Variants in TOGARAM1 observed in about 807,000 individuals in gnomAD.
TOGARAM1 encodes TOG array regulator of axonemal microtubules protein 1.
A neutral mutation model predicts 166.6 loss-of-function variants in TOGARAM1; 100 were observed. The observed-to-expected ratio is 0.60, with a 90% CI of 0.51 to 0.71. The LOEUF (loss-of-function observed/expected upper bound fraction) is 0.71. Among genes scored for constraint, TOGARAM1 ranks in the 30% least tolerant of loss-of-function variants. The pLI is 0.00. For missense variants in TOGARAM1, 2,029 were observed against 2,102.7 expected, an observed-to-expected ratio of 0.96 and a Z score of 0.69; for synonymous variants, 758 against 763.8, an observed-to-expected ratio of 0.99 and a Z score of 0.13.
At position 44,962,298 on chromosome 14, in the gene TOGARAM1, C is replaced by T. The variant is rs959956341; in HGVS notation, c.-124C>T. The T allele has an allele frequency of 7.9e-7, 1 of 1,264,768 alleles. No individual in the cohort carries two copies. Among genetic ancestry groups the T allele is most frequent in the South Asian group, 1.8e-5 (1 of 55,058 alleles). The allele number at this position is 1,264,768 out of a possible 1,614,324, so 78.3% of individuals were successfully genotyped here. A position where few individuals can be genotyped will look rare whatever the true frequency, so the allele number is the denominator to read the frequency against. ...GAGTTGGGGGCGGCCTGGCGGCAGG[C>T]TGAAGCTGTTCTTTTGCCTCTTCTG... is the stretch of plus-strand genomic sequence containing the variant. On this transcript the variant is annotated 5_prime_UTR_variant, in exon 1 of 20. Coordinates refer to ENST00000361462, the MANE Select transcript of TOGARAM1 (RefSeq NM_001308120.2).
intron 11 of TOGARAM1, among the ~76,000 whole-genome samples, chr14:45,036,057 G>A (rs1397257873): frequency 6.7e-6 from 1 of 149,888 alleles, no homozygotes; most frequent in African/African-American, 2.5e-5. Context: ...CTGAATCCAG[G>A]GGTTCGAGGC....
chr14:45,043,442 C>T (rs1270158210), intron 11 of TOGARAM1, among the ~76,000 whole-genome samples: 1 of 152,166 alleles, frequency 6.6e-6, no homozygotes, highest in East Asian at 1.9e-4. Context: ...TCCCAAAGTG[C>T]TGGTATTACA....
At chr14:45,006,537 G>T in intron 5 of TOGARAM1, 1 of 255,490 alleles carries the variant, frequency 3.9e-6, no homozygotes, top group Non-Finnish European at 7.7e-6. Context: ...TAAATTAAAA[G>T]TATGAATAAT....
rs371120226 is a variant in TOGARAM1 at position 45,032,281 on chromosome 14, T to C, written c.3717T>C (p.His1239=). 4.3e-6 allele frequency: 7 copies of C among 1,613,800 alleles called. No homozygotes were observed. Among genetic ancestry groups the C allele is most frequent in the African/African-American group, 2.7e-5 (2 of 74,920 alleles). Residue 1239 remains histidine, a synonymous_variant, in exon 11 of 20, where the codon CAT becomes CAC. Transcript: ENST00000361462. ...AAGAAAGGATGCCTTCTGTCACTCA[T>C]AGTCCAGAAATAATGGATCTGTCAG... The part of the protein sequence containing the change: ...QYKERMPSVT[H]SPEIMDLSEL...
In TOGARAM1 at chr14:45,012,083, ATGTC is replaced by A. The variant is rs780947887; in HGVS notation, c.3238+12_3238+15del. 5 of 1,479,302 alleles carry A rather than the reference ATGTC, an allele frequency of 3.4e-6. No homozygotes were observed. The highest frequency in any genetic ancestry group is 4.4e-5 in the Admixed American group (2 of 45,864). The allele number at this position is 1,479,302 out of a possible 1,614,324, so 91.6% of individuals were successfully genotyped here. A position where few individuals can be genotyped will look rare whatever the true frequency, so the allele number is the denominator to read the frequency against. On this transcript the variant is annotated intron_variant, in intron 7 of 19. Transcript: ENST00000361462. ...AACAAAGCCCCAGTGCAGGTATTCT[ATGTC>A]TGTTTATAAAAATAATTTATAAAAT...
chr14:44,993,537 C>T (rs1376008621), intron 1 of TOGARAM1, among the ~76,000 whole-genome samples: 1 of 152,168 alleles, frequency 6.6e-6, no homozygotes, highest in Non-Finnish European at 1.5e-5. Context: ...GTAACGTTAA[C>T]TCACAACTCT....
At chr14:45,014,763 A>G (rs1880016822) in intron 7 of TOGARAM1, among the ~76,000 whole-genome samples, 1 of 152,240 alleles carries the variant, frequency 6.6e-6, no homozygotes, top group Non-Finnish European at 1.5e-5. Flanking sequence ...GCCTATTAAT[A>G]GAAAACATTT....
chr14:44,990,598 T>C (rs928272704), intron 1 of TOGARAM1, among the ~76,000 whole-genome samples: 1 of 152,334 alleles, frequency 6.6e-6, no homozygotes, highest in South Asian at 2.1e-4. Context: ...GTTTGCAATA[T>C]TTTTTCCTCT....
intron 11 of TOGARAM1, among the ~76,000 whole-genome samples, chr14:45,040,410 A>C (rs903441900): frequency 6.6e-6 from 1 of 152,204 alleles, no homozygotes; most frequent in African/African-American, 2.4e-5. Context: ...AGAAGAGCAC[A>C]TGAAGCCCAA....
chr14:44,981,753 T>G (rs895285442), intron 1 of TOGARAM1, among the ~76,000 whole-genome samples: 1 of 152,172 alleles, frequency 6.6e-6, no homozygotes, highest in Non-Finnish European at 1.5e-5. Flanking sequence ...TAATAATTTG[T>G]TTCCTATGCT....
intron 11 of TOGARAM1, 109 bp downstream of exon 11, chr14:45,032,485 ATTAT>A (rs1415362678): frequency 9.6e-6 from 11 of 1,148,216 alleles, no homozygotes; most frequent in African/African-American, 1.6e-5. Context: ...CTTAGAAATG[ATTAT>A]TTAGTTCTTA....
At chr14:45,058,132 G>C (rs1371895306) in intron 16 of TOGARAM1, among the ~76,000 whole-genome samples, 1 of 151,918 alleles carries the variant, frequency 6.6e-6, no homozygotes, top group Non-Finnish European at 1.5e-5. Context: ...TCCAGTGTTG[G>C]GTGCATATAT....
intron 18 of TOGARAM1, among the ~76,000 whole-genome samples, chr14:45,070,945 C>T (rs918786724): frequency 6.6e-5 from 10 of 151,772 alleles, no homozygotes; most frequent in African/African-American, 1.7e-4. Context: ...TGTTTTGAGA[C>T]GGAGTCTCAC....
intron 18 of TOGARAM1, among the ~76,000 whole-genome samples, chr14:45,070,026 C>CAAA (rs1441326934): frequency 3.3e-5 from 5 of 150,716 alleles, no homozygotes; most frequent in Non-Finnish European, 3.0e-5. Flanking sequence ...ACTAAAAATA[C>CAAA]AAAAAATTAG....
At chr14:45,042,109 C>T (rs1881757041) in intron 11 of TOGARAM1, 1 of 152,182 alleles carries the variant, frequency 6.6e-6, no homozygotes, top group Non-Finnish European at 1.5e-5. Flanking sequence ...ATCCTGAAAC[C>T]AATTACCTAC....
At chr14:45,067,464 A>T (rs1352545559) in intron 17 of TOGARAM1, among the ~76,000 whole-genome samples, 6 of 152,158 alleles carry the variant, frequency 3.9e-5, no homozygotes, top group Non-Finnish European at 8.8e-5. Context: ...AGCAAAAGAA[A>T]GGGAAATATT....
intron 16 of TOGARAM1, among the ~76,000 whole-genome samples, chr14:45,065,862 C>T (rs1195351135): frequency 1.3e-5 from 2 of 152,158 alleles, no homozygotes; most frequent in South Asian, 4.1e-4. Context: ...TAGATCTCAA[C>T]GGGCAAGGAA....
chr14:45,011,785 A>C (rs562811291), intron 6 of TOGARAM1, 190 bp from the exon 7 acceptor site: 4 of 414,036 alleles, frequency 9.7e-6, no homozygotes, highest in Non-Finnish European at 1.7e-5. Flanking sequence ...CAAAATATAT[A>C]TGTGTGTGTG....
intron 7 of TOGARAM1, among the ~76,000 whole-genome samples, chr14:45,012,646 C>T (rs1413167579): frequency 2.7e-5 from 4 of 149,404 alleles, no homozygotes; most frequent in Non-Finnish European, 5.9e-5. Context: ...TGTGATTCTT[C>T]ATTATGATTA....
Sources: gnomAD v4.1 joint callset for allele counts (sites outside exome capture counted in the v4.1 genomes callset) on GRCh38, gnomAD v4.1.1 for gene constraint, MANE v1.5 for transcripts, NCBI Gene and HGNC (gene_info 2026-07-23, HGNC 2026-07-21) for gene names.